Variants in PCSK5 observed in about 807,000 individuals in gnomAD.
The protein encoded by PCSK5 is proprotein convertase subtilisin/kexin type 5.
In PCSK5, 129 loss-of-function variants were observed where a neutral mutation model predicts 233.2. That is an observed-to-expected ratio of 0.55 (90% CI 0.48 to 0.64). PCSK5 has a LOEUF of 0.64. Ranked by LOEUF, PCSK5 falls within the 30% of genes least tolerant of loss-of-function variation. PCSK5 has a pLI of 0.00. For missense variants in PCSK5, 2,076 were observed against 2,430.1 expected, an observed-to-expected ratio of 0.85 and a Z score of 3.06; for synonymous variants, 825 against 879.2, an observed-to-expected ratio of 0.94 and a Z score of 1.09.
chr9:75,948,482 A>G (rs1211310030), intron 2 of PCSK5, among the ~76,000 whole-genome samples: 1 of 152,092 alleles, frequency 6.6e-6, no homozygotes, highest in Non-Finnish European at 1.5e-5. Context: ...TACAAAGGAC[A>G]TGAACTCATG....
intron 7 of PCSK5, among the ~76,000 whole-genome samples, chr9:76,077,817 C>A (rs148236304): frequency 1.7e-3 from 255 of 152,234 alleles, no homozygotes; most frequent in Non-Finnish European, 2.7e-3. Context: ...TGATTGGGCA[C>A]CTAGGTTGAT....
rs753785709 is a variant in PCSK5 at position 76,323,059 on chromosome 9, G to A, written c.4110G>A (p.Thr1370=). 5.7e-6 allele frequency: 9 copies of A among 1,591,918 alleles called. No individual in the cohort carries two copies. The highest frequency in any genetic ancestry group is 3.3e-4 in the Middle Eastern group (2 of 6,040). The change falls in exon 32 of 38, where the codon ACG becomes ACA. Residue 1370 remains threonine (T), a synonymous_variant. Transcript: ENST00000674117. Reference sequence around the variant, plus strand: ...GCTTCCTCCTTTTCCCAGAGTGCACGCCTGAGTTCTTCCTGCACGATGATA... The same window carrying A: ...GCTTCCTCCTTTTCCCAGAGTGCACACCTGAGTTCTTCCTGCACGATGATA... ...CIHEKTCKEC[T]PEFFLHDDMC...
Position 76,340,815 on chromosome 9 carries a change from C to T in PCSK5, c.4966+2368C>T, listed in dbSNP as rs1829810628. ...TGTGAGTTATACTAGGTTAATTCTT[C>T]AGCACTCCATTTCATTCCCTGACTT... On this transcript the variant is annotated intron_variant, in intron 35 of 37. Coordinates refer to ENST00000674117, the MANE Select transcript of PCSK5 (RefSeq NM_001372043.1). Among the ~76,000 whole-genome samples, 3 of 151,962 alleles carry T rather than the reference C, an allele frequency of 2.0e-5. No homozygotes were observed. In the South Asian group the frequency reaches 6.2e-4, roughly 32 times the overall value.
intron 26 of PCSK5, among the ~76,000 whole-genome samples, chr9:76,296,263 C>A (rs1025244875): frequency 1.6e-4 from 25 of 152,326 alleles, no homozygotes; most frequent in Non-Finnish European, 2.9e-4. Flanking sequence ...CCTCGCCCGA[C>A]CTGGATTTAT....
At chr9:75,988,829 AGC>A (rs1372289709) in intron 3 of PCSK5, among the ~76,000 whole-genome samples, 1 of 152,194 alleles carries the variant, frequency 6.6e-6, no homozygotes, top group Non-Finnish European at 1.5e-5. Context: ...AAGATCACCA[AGC>A]CTGAAAGTGG....
intron 23 of PCSK5, among the ~76,000 whole-genome samples, chr9:76,240,167 C>T (rs996254201): frequency 6.6e-6 from 1 of 152,186 alleles, no homozygotes; most frequent in Non-Finnish European, 1.5e-5. Flanking sequence ...AGCTCCAAGA[C>T]ATTTTTAGCA....
At chr9:76,066,761 G>A (rs1027955408) in intron 5 of PCSK5, among the ~76,000 whole-genome samples, 1 of 152,180 alleles carries the variant, frequency 6.6e-6, no homozygotes, top group Non-Finnish European at 1.5e-5. Flanking sequence ...CCTATCAGTT[G>A]TAAGCAGTAA....
chr9:76,308,586 T>G (rs1382158601), intron 28 of PCSK5, 59 bp from the exon 29 acceptor site: 3 of 948,986 alleles, frequency 3.2e-6, no homozygotes, highest in Non-Finnish European at 3.4e-6. Flanking sequence ...TTTTCAGTAC[T>G]GGAATCCTAT....
At chr9:76,035,000 G>A (rs755970797) in intron 5 of PCSK5, among the ~76,000 whole-genome samples, 1 of 152,114 alleles carries the variant, frequency 6.6e-6, no homozygotes, top group South Asian at 2.1e-4. Flanking sequence ...CTGTATCCCA[G>A]AAGGCTGACT....
intron 8 of PCSK5, among the ~76,000 whole-genome samples, chr9:76,097,242 A>ATTTTTT (rs1831562080): frequency 8.8e-5 from 5 of 56,760 alleles, no homozygotes; most frequent in African/African-American, 3.8e-4. Context: ...CAAAAAGTGC[A>ATTTTTT]TTTCTTTTTT....
intron 28 of PCSK5, among the ~76,000 whole-genome samples, chr9:76,307,906 A>G (rs1373539027): frequency 6.6e-6 from 1 of 152,122 alleles, no homozygotes; most frequent in Non-Finnish European, 1.5e-5. Context: ...GTGAAGAGAA[A>G]TGGTCATCCG....
At chr9:75,907,166 G>A (rs1025291543) in intron 1 of PCSK5, among the ~76,000 whole-genome samples, 1 of 152,018 alleles carries the variant, frequency 6.6e-6, no homozygotes, top group African/African-American at 2.4e-5. Flanking sequence ...AATTCTCTTA[G>A]GGAATTAAAT....
intron 1 of PCSK5, among the ~76,000 whole-genome samples, chr9:75,926,570 G>A (rs1024085140): frequency 1.3e-5 from 2 of 152,162 alleles, no homozygotes; most frequent in Non-Finnish European, 2.9e-5. Context: ...AACATTCTCA[G>A]CATGGTTCTC....
intron 5 of PCSK5, among the ~76,000 whole-genome samples, chr9:76,056,595 GT>G (rs1328909816): frequency 3.3e-5 from 5 of 152,290 alleles, no homozygotes; most frequent in African/African-American, 1.2e-4. Flanking sequence ...TTTAATTATA[GT>G]GGTTTATTGT....
chr9:76,347,101 G>A (rs750223831), intron 35 of PCSK5, among the ~76,000 whole-genome samples: 3 of 136,358 alleles, frequency 2.2e-5, no homozygotes, highest in Non-Finnish European at 4.8e-5. Context: ...TTTGTTTTTT[G>A]ATTTTGTGTT....
intron 30 of PCSK5, among the ~76,000 whole-genome samples, chr9:76,317,625 A>G (rs1829069062): frequency 6.6e-6 from 1 of 152,190 alleles, no homozygotes; most frequent in Non-Finnish European, 1.5e-5. Context: ...ATTCATGCCC[A>G]CTGCCTGCAA....
intron 2 of PCSK5, among the ~76,000 whole-genome samples, chr9:75,970,225 T>C (rs1199899826): frequency 6.6e-6 from 1 of 152,206 alleles, no homozygotes; most frequent in Non-Finnish European, 1.5e-5. Context: ...TGCCTCATCT[T>C]GTTAATTCAA....
At chr9:76,020,632 G>C (rs1328465440) in intron 3 of PCSK5, among the ~76,000 whole-genome samples, 3 of 152,172 alleles carry the variant, frequency 2.0e-5, no homozygotes, top group South Asian at 4.1e-4. Flanking sequence ...AAGCAAAAAG[G>C]TGGTACAAGA....
At chr9:76,088,660 T>C (rs1330474373) in intron 7 of PCSK5, among the ~76,000 whole-genome samples, 1 of 152,152 alleles carries the variant, frequency 6.6e-6, no homozygotes, top group Non-Finnish European at 1.5e-5. Context: ...TCCATCTTAC[T>C]CGGATGAACT....
Sources: gnomAD v4.1 joint callset for allele counts (sites outside exome capture counted in the v4.1 genomes callset) on GRCh38, gnomAD v4.1.1 for gene constraint, MANE v1.5 for transcripts, NCBI Gene and HGNC (gene_info 2026-07-23, HGNC 2026-07-21) for gene names.